The following SELENOM variants were observed in gnomAD, a reference collection of about 807,000 sequenced individuals.
SELENOM encodes the protein selenoprotein SelM.
Under a neutral mutation model 14.5 loss-of-function variants are expected in SELENOM, and 17 were observed. That is an observed-to-expected ratio of 1.17 (90% confidence interval 0.80 to 1.76). The LOEUF (loss-of-function observed/expected upper bound fraction) is 1.76. Among genes scored for constraint, SELENOM ranks in the 40% most tolerant of loss-of-function variants. The pLI, the probability that SELENOM is intolerant of heterozygous loss-of-function variation, is 0.00. For synonymous variants in SELENOM, 102 were observed against 93.3 expected (o/e 1.09, Z -0.54); for missense variants, 230 against 204.6 (o/e 1.12, Z -0.76).
rs1223377891 is a variant in SELENOM at position 31,105,211 on chromosome 22, T to C, written c.276A>G (p.Leu92=). The change falls in exon 4 of 5, where the codon CTA becomes CTG. Residue 92 remains leucine (L), a synonymous_variant. Coordinates refer to ENST00000400299, the MANE Select transcript of SELENOM (RefSeq NM_080430.4). ...LVLLGRRYEE[L]ERIPLSEMTR... ...AGCCCACCTCCCACGGCCTCACCTC[T>C]AGTTCCTCGTAGCGGCGGCCCAGCA... is the stretch of plus-strand genomic sequence containing the variant. 5.0e-6 allele frequency: 8 copies of C among 1,612,346 alleles called. No homozygotes were observed. The highest frequency in any genetic ancestry group is 6.8e-6 in the Non-Finnish European group (8 of 1,178,914).
At position 31,107,550 on chromosome 22, in the gene SELENOM, G is replaced by C. The variant is rs774727370; in HGVS notation, c.-45C>G. The C allele has an allele frequency of 4.7e-6, 7 of 1,480,236 alleles. No homozygotes were observed. The South Asian group carries it at 9.0e-5, about 19-fold the overall frequency. The allele number at this position is 1,480,236 out of a possible 1,614,324, so 91.7% of individuals were successfully genotyped here. On this transcript the variant is annotated 5_prime_UTR_variant, in exon 1 of 5. Transcript: ENST00000400299. Reference sequence around the variant, plus strand: ...ATGCGCAAGCTGGAGGCGAACCTCCGAGTCGCTGCGCCACGTCTGGGCCCC... The same window carrying C: ...ATGCGCAAGCTGGAGGCGAACCTCCCAGTCGCTGCGCCACGTCTGGGCCCC...
In SELENOM at chr22:31,105,685, G is replaced by A. The variant is rs763620807; in HGVS notation, c.173C>T (p.Ala58Val). 3.7e-6 allele frequency: 6 copies of A among 1,613,946 alleles called. No individual in the cohort carries two copies. The East Asian group carries it at 8.9e-5, about 24-fold the overall frequency. ...UQLNRLKEVK[A>V]FVTQDIPFYH... ...GAATGGAATGTCCTGCGTGACGAAAGCCTTCACCTGGGGAGGAACCAGAGC... is the reference window on the plus strand; with the variant it reads ...GAATGGAATGTCCTGCGTGACGAAAACCTTCACCTGGGGAGGAACCAGAGC... The change falls in exon 3 of 5, where the codon GCT becomes GTT. Residue 58 changes from alanine (A) to valine (V), a missense_variant. By Grantham distance (64) the Ala-to-Val change is moderately conservative. Transcript: ENST00000400299.
At chr22:31,105,831 A>T in intron 2 of SELENOM, 99 bp downstream of exon 2, 1 of 1,485,406 alleles carries the variant, frequency 6.7e-7, no homozygotes, top group South Asian at 1.1e-5. Flanking sequence ...CAGCCTAGGG[A>T]TCCTTCCCCC....
rs369440497 is a variant in SELENOM, at chr22:31,106,465, C to T, written c.130-500G>A. On this transcript the variant is annotated intron_variant, in intron 1 of 4. Coordinates refer to ENST00000400299, the MANE Select transcript of SELENOM (RefSeq NM_080430.4). ...GCCTGCCACCTGCGGCCCAGCCCCA[C>T]AGACCATGTGGTTGCTTCCCTGACA... 47 of 173,808 alleles carry T rather than the reference C, an allele frequency of 2.7e-4. No individual in the cohort carries two copies. The East Asian group carries it at 7.6e-3, about 28-fold the overall frequency. The allele number at this position is 173,808 out of a possible 1,614,324, so 10.8% of individuals were successfully genotyped here.
At chr22:31,105,502 C>G in intron 3 of SELENOM, 156 bp downstream of exon 3, 2 of 879,354 alleles carry the variant, frequency 2.3e-6, no homozygotes, top group Non-Finnish European at 3.7e-6. Flanking sequence ...ATCTCTCTTG[C>G]CCACCCAACA....
intron 1 of SELENOM, chr22:31,107,120 G>A (rs1409597595): frequency 2.0e-6 from 1 of 495,744 alleles, no homozygotes; most frequent in African/African-American, 2.0e-5. Context: ...CAGTGTGTCT[G>A]GGTGTCCGCT....
chr22:31,105,271 C>A lies in SELENOM; in HGVS notation c.216G>T (p.Met72Ile). ...QDIPFYHNLV[M>I]KHLPGADPEL... ...CAGGGTCGGCCCCAGGGAGGTGTTTCATCACCAGGTTGTGACTGGAGGTGG... is the reference window on the plus strand; with the variant it reads ...CAGGGTCGGCCCCAGGGAGGTGTTTAATCACCAGGTTGTGACTGGAGGTGG... The change falls in exon 4 of 5, where the codon ATG (methionine) becomes ATT (isoleucine). Residue 72 changes from methionine (M) to isoleucine (I), a missense_variant. Met to Ile is a conservative substitution (Grantham distance 10). Coordinates refer to ENST00000400299, the MANE Select transcript of SELENOM (RefSeq NM_080430.4). 1 of 1,612,034 alleles carries A rather than the reference C, an allele frequency of 6.2e-7. No individual in the cohort carries two copies. The highest frequency in any genetic ancestry group is 1.1e-5 in the South Asian group (1 of 90,774).
chr22:31,105,081 C>T lies in SELENOM; in HGVS notation c.327G>A (p.Val109=), dbSNP rs1419283478. Residue 109 remains valine, a synonymous_variant, in exon 5 of 5, where the codon GTG becomes GTA. Coordinates refer to ENST00000400299, the MANE Select transcript of SELENOM (RefSeq NM_080430.4). Reference sequence around the variant, plus strand: ...CCTTGCGGTAGAAGCCGAGCTCCTGCACTAGCGCATTGATCTCTTCGCGGG... The same window carrying T: ...CCTTGCGGTAGAAGCCGAGCTCCTGTACTAGCGCATTGATCTCTTCGCGGG... ...EMTREEINAL[V]QELGFYRKAA... The T allele has an allele frequency of 1.2e-6, 2 of 1,612,990 alleles. No homozygotes were observed. Among genetic ancestry groups the T allele is most frequent in the East Asian group, 4.5e-5 (2 of 44,880 alleles).
At chr22:31,105,811 GC>G (rs1406250975) in intron 2 of SELENOM, 118 bp downstream of exon 2, 1 of 1,471,696 alleles carries the variant, frequency 6.8e-7, no homozygotes, top group South Asian at 1.1e-5. Flanking sequence ...CTCAGCCTAG[GC>G]TAGACTCTCA....
chr22:31,105,308 G>T (rs1296158541), intron 3 of SELENOM, 22 bp from the exon 4 acceptor site: 1 of 1,597,642 alleles, frequency 6.3e-7, no homozygotes, highest in Non-Finnish European at 8.5e-7. Context: ...GTTAAGGAGC[G>T]GGGTGGTGGG....
chr22:31,107,021 G>A (rs887400492), intron 1 of SELENOM: 3 of 192,358 alleles, frequency 1.6e-5, no homozygotes, highest in Non-Finnish European at 3.2e-5. Flanking sequence ...GGTCGGGGGG[G>A]AATTCCAGGA....
At chr22:31,105,307 C>A in intron 3 of SELENOM, 21 bp from the exon 4 acceptor site, 1 of 1,599,580 alleles carries the variant, frequency 6.3e-7, no homozygotes, top group Non-Finnish European at 8.5e-7. Flanking sequence ...TGTTAAGGAG[C>A]GGGGTGGTGG....
At position 31,104,961 on chromosome 22, in the gene SELENOM, C is replaced by G. The variant is rs755164233; in HGVS notation, c.*9G>C. ...GCAGGTAGGTCCCAGCTCCGCCGCG[C>G]CCCCGGACCTACAGGTCAGCGTGGT... On this transcript the variant is annotated 3_prime_UTR_variant, in exon 5 of 5. Transcript: ENST00000400299. The G allele has an allele frequency of 2.6e-6, 4 of 1,555,866 alleles. No homozygotes were observed. In the East Asian group the frequency reaches 9.0e-5, roughly 35 times the overall value.
At position 31,107,365 on chromosome 22, in the gene SELENOM, C is replaced by T. The variant is rs544226549; in HGVS notation, c.129+12G>A. On this transcript the variant is annotated intron_variant, in intron 1 of 4. Transcript: ENST00000400299. ...GAACGATAGTGCCGGGGCTGGAGGC[C>T]GGCGTACTCACCTCTACCCGGGCGC... 2.5e-6 allele frequency: 4 copies of T among 1,588,918 alleles called. No homozygotes were observed. The highest frequency in any genetic ancestry group is 1.4e-5 in the African/African-American group (1 of 73,686).
rs12118 is a variant in SELENOM, at chr22:31,105,088, G to T, written c.320C>A (p.Ala107Glu). 6.2e-7 allele frequency: 1 copy of T among 1,613,276 alleles called. No homozygotes were observed. Among genetic ancestry groups the T allele is most frequent in the Non-Finnish European group, 8.5e-7 (1 of 1,179,820 alleles). Residue 107 changes from alanine (A) to glutamate (E), a missense_variant, in exon 5 of 5, where the codon GCG becomes GAG. By Grantham distance (107) the Ala-to-Glu change is moderately radical. Transcript: ENST00000400299. ...GTAGAAGCCGAGCTCCTGCACTAGCGCATTGATCTCTTCGCGGGTCATTTC... is the reference window on the plus strand; with the variant it reads ...GTAGAAGCCGAGCTCCTGCACTAGCTCATTGATCTCTTCGCGGGTCATTTC... ...LSEMTREEINALVQELGFYRK... is the reference protein window; with the variant it reads ...LSEMTREEINELVQELGFYRK...
Position 31,105,588 on chromosome 22 carries a change from CT to C in SELENOM, c.200+69del, listed in dbSNP as rs921614685. 4.7e-4 allele frequency: 709 copies of C among 1,500,576 alleles called. 3 individuals carry two copies. The highest frequency in any genetic ancestry group is 4.6e-3 in the Middle Eastern group (27 of 5,832). The allele number at this position is 1,500,576 out of a possible 1,614,324, so 93.0% of individuals were successfully genotyped here. A position where few individuals can be genotyped will look rare whatever the true frequency, so the allele number is the denominator to read the frequency against. On this transcript the variant is annotated intron_variant, in intron 3 of 4. Transcript: ENST00000400299. The stretch of plus-strand genomic sequence containing the variant: ...GTCAGTTGAAAACCATCTGCCACCC[CT>C]TTCTGAAGTTACGTGGAGATTCTCC...
chr22:31,105,728 C>G (rs200447643), intron 2 of SELENOM, 36 bp from the exon 3 acceptor site: 1 of 1,612,482 alleles, frequency 6.2e-7, no homozygotes, highest in East Asian at 2.2e-5. Flanking sequence ...ACCATGACCT[C>G]AGTCTACTCG....
In SELENOM at chr22:31,104,963, C is replaced by G. The variant is rs752526590; in HGVS notation, c.*7G>C. ...AGGTAGGTCCCAGCTCCGCCGCGCCCCCGGACCTACAGGTCAGCGTGGTCC... is the reference window on the plus strand; with the variant it reads ...AGGTAGGTCCCAGCTCCGCCGCGCCGCCGGACCTACAGGTCAGCGTGGTCC... On this transcript the variant is annotated 3_prime_UTR_variant, in exon 5 of 5. Transcript: ENST00000400299. The G allele has an allele frequency of 6.4e-7, 1 of 1,559,574 alleles. No homozygotes were observed. Among genetic ancestry groups the G allele is most frequent in the South Asian group, 1.2e-5 (1 of 84,108 alleles).
In SELENOM at chr22:31,107,535, T is replaced by G; in HGVS notation, c.-30A>C. ...ACCCGGCCGCAGATGATGCGCAAGC[T>G]GGAGGCGAACCTCCGAGTCGCTGCG... On this transcript the variant is annotated 5_prime_UTR_variant, in exon 1 of 5. Transcript: ENST00000400299. 3 of 1,512,502 alleles carry G rather than the reference T, an allele frequency of 2.0e-6. No homozygotes were observed. The highest frequency in any genetic ancestry group is 2.7e-6 in the Non-Finnish European group (3 of 1,130,900). 93.7% of individuals were successfully genotyped at this position (1,512,502 alleles called of 1,614,324 possible). A position where few individuals can be genotyped will look rare whatever the true frequency, so the allele number is the denominator to read the frequency against.
Sources: allele counts gnomAD v4.1 joint callset, GRCh38; gene constraint gnomAD v4.1.1; transcripts MANE v1.5; gene names NCBI Gene and HGNC (gene_info 2026-07-23, HGNC 2026-07-21).